Variants in NID2 observed in about 807,000 individuals in gnomAD.
NID2 encodes nidogen 2, also known as nidogen-2.
Under a neutral mutation model 145.4 loss-of-function variants are expected in NID2, and 83 were observed. That is an observed-to-expected ratio of 0.57 (90% CI 0.48 to 0.69). The LOEUF (loss-of-function observed/expected upper bound fraction) is 0.69. Among genes scored for constraint, NID2 ranks in the 30% least tolerant of loss-of-function variants. The pLI is 0.00. For synonymous variants in NID2, 739 were observed against 701.3 expected, an observed-to-expected ratio of 1.05 and a Z score of -0.85; for missense variants, 1,807 against 1,765.7, an observed-to-expected ratio of 1.02 and a Z score of -0.42.
intron 9 of NID2, among the ~76,000 whole-genome samples, chr14:52,037,299 CTAT>C (rs1345470769): frequency 3.3e-5 from 5 of 151,858 alleles, no homozygotes; most frequent in African/African-American, 9.7e-5. Flanking sequence ...CATCAGAATT[CTAT>C]TATTATTATA....
At chr14:52,047,889 CCA>C (rs1892558399) in intron 5 of NID2, among the ~76,000 whole-genome samples, 1 of 152,108 alleles carries the variant, frequency 6.6e-6, no homozygotes, top group African/African-American at 2.4e-5. Context: ...CCGGTGGATT[CCA>C]GAGACCACTG....
intron 5 of NID2, among the ~76,000 whole-genome samples, chr14:52,043,230 G>A (rs1892351742): frequency 6.6e-6 from 1 of 152,156 alleles, no homozygotes; most frequent in Non-Finnish European, 1.5e-5. Context: ...ATGTTAGGTT[G>A]AACTTCATGA....
intron 8 of NID2, 77 bp downstream of exon 8, chr14:52,040,574 G>A: frequency 8.0e-7 from 1 of 1,257,406 alleles, no homozygotes; most frequent in African/African-American, 1.5e-5. Flanking sequence ...TGCCATGTAA[G>A]TCATTTAAGC....
intron 18 of NID2, 186 bp from the exon 19 acceptor site, chr14:52,008,153 A>G: frequency 4.1e-6 from 2 of 488,866 alleles, no homozygotes; most frequent in Admixed American, 7.8e-5. Flanking sequence ...GTGATAGGCT[A>G]TCACTGCCGA....
chr14:52,035,856 G>GTGTATATATATATA (rs763855059), intron 9 of NID2, among the ~76,000 whole-genome samples: 7 of 65,294 alleles, frequency 1.1e-4, no homozygotes, highest in East Asian at 3.8e-4. Context: ...ATTTTTTTGT[G>GTGTATATATATATA]TATATATATA....
At chr14:52,022,483 A>C (rs113906468) in intron 12 of NID2, among the ~76,000 whole-genome samples, 178 of 152,274 alleles carry the variant, frequency 1.2e-3, no homozygotes, top group Admixed American at 2.7e-3. Flanking sequence ...GAAAACATGG[A>C]AAGACTTTCA....
chr14:52,039,614 A>G (rs564745643), intron 8 of NID2, among the ~76,000 whole-genome samples: 1 of 152,280 alleles, frequency 6.6e-6, no homozygotes, highest in African/African-American at 2.4e-5. Context: ...ATCTCCTGCC[A>G]GGCTGCCAGC....
At chr14:52,025,033 T>G (rs914991275) in intron 12 of NID2, among the ~76,000 whole-genome samples, 3 of 152,250 alleles carry the variant, frequency 2.0e-5, no homozygotes, top group Non-Finnish European at 4.4e-5. Context: ...AGGAACTAAA[T>G]ATTTTAAAAG....
At chr14:52,028,486 G>T in intron 11 of NID2, 1 of 351,712 alleles carries the variant, frequency 2.8e-6, no homozygotes, top group Non-Finnish European at 5.2e-6. Flanking sequence ...ATGTTGCCCA[G>T]GCTGGTCTCG....
intron 12 of NID2, among the ~76,000 whole-genome samples, chr14:52,020,579 G>A (rs544535544): frequency 2.0e-5 from 3 of 151,102 alleles, no homozygotes; most frequent in Non-Finnish European, 4.4e-5. Flanking sequence ...TCCAACAATG[G>A]TTTTTTTTTC....
chr14:52,024,220 C>T (rs1198893872), intron 12 of NID2, among the ~76,000 whole-genome samples: 1 of 152,160 alleles, frequency 6.6e-6, no homozygotes, highest in Admixed American at 6.5e-5. Context: ...TAGTGGTATT[C>T]ATGGTCTTGT....
At position 52,013,692 on chromosome 14, in the gene NID2, A is replaced by G. The variant is rs552041147; in HGVS notation, c.3420+595T>C. ...TAGGGAGGCTGCTGGCTCAGGAAGC[A>G]TCAAACATCCCCTGGGGAAGGCTCC... On this transcript the variant is annotated intron_variant, in intron 16 of 21. Transcript: ENST00000216286. Among the ~76,000 whole-genome samples the G allele has an allele frequency of 1.2e-4, 18 of 152,238 alleles. No homozygotes were observed. The South Asian group carries it at 3.5e-3, about 30-fold the overall frequency.
intron 3 of NID2, among the ~76,000 whole-genome samples, chr14:52,056,906 G>A (rs537805493): frequency 1.3e-5 from 2 of 152,242 alleles, no homozygotes; most frequent in Non-Finnish European, 2.9e-5. Context: ...ATACACGTGT[G>A]AATTCGTATT....
At chr14:52,040,543 C>A in intron 8 of NID2, 108 bp downstream of exon 8, 1 of 910,106 alleles carries the variant, frequency 1.1e-6, no homozygotes, top group South Asian at 1.4e-5. Flanking sequence ...ATTTTATGTT[C>A]CATGCACTGT....
rs1890983222 is a variant in NID2, at chr14:52,010,790, C to G, written c.3722+86G>C. On this transcript the variant is annotated intron_variant, in intron 18 of 21. Coordinates refer to ENST00000216286, the MANE Select transcript of NID2 (RefSeq NM_007361.4). ...GCATTTGAGCTTTCACTCTCTTGTT[C>G]TGACCTTCCCCACATTGTATTTAAA... 5 of 1,363,514 alleles carry G rather than the reference C, an allele frequency of 3.7e-6. No individual in the cohort carries two copies. The South Asian group carries it at 3.9e-5, about 11-fold the overall frequency. The allele number at this position is 1,363,514 out of a possible 1,614,324, so 84.5% of individuals were successfully genotyped here.
At chr14:52,044,788 G>A (rs945010959) in intron 5 of NID2, among the ~76,000 whole-genome samples, 1 of 151,630 alleles carries the variant, frequency 6.6e-6, no homozygotes, top group Non-Finnish European at 1.5e-5. Context: ...TTATTTTTTG[G>A]TAGGGTGGGT....
chr14:52,053,615 C>T lies in NID2; in HGVS notation c.1393G>A (p.Val465Met). ...TTPLSRGTYE[V>M]GLEDNIGSNT... The stretch of plus-strand genomic sequence containing the variant: ...GAACCTATGTTGTCTTCCAGTCCCA[C>T]CTCATACGTCCCTCGACTTAAGGGT... The change falls in exon 5 of 22, where the codon GTG becomes ATG. Residue 465 changes from valine (V) to methionine (M), a missense_variant. By Grantham distance (21) the Val-to-Met change is conservative. Coordinates refer to ENST00000216286, the MANE Select transcript of NID2 (RefSeq NM_007361.4). 1.2e-6 allele frequency: 2 copies of T among 1,614,202 alleles called. No individual in the cohort carries two copies. The highest frequency in any genetic ancestry group is 2.2e-5 in the South Asian group (2 of 91,066).
chr14:52,029,997 G>A (rs1245640219), intron 9 of NID2, among the ~76,000 whole-genome samples: 1 of 152,142 alleles, frequency 6.6e-6, no homozygotes, highest in Non-Finnish European at 1.5e-5. Flanking sequence ...TATTTCCTGT[G>A]ATTCTTGGGA....
intron 16 of NID2, chr14:52,011,954 AAATT>A (rs1374841123): frequency 1.1e-5 from 4 of 357,696 alleles, no homozygotes; most frequent in East Asian, 1.0e-4. Context: ...GTTGCTATAA[AAATT>A]AATACTATAA....
Sources: allele counts gnomAD v4.1 joint callset (sites outside exome capture counted in the v4.1 genomes callset), GRCh38; gene constraint gnomAD v4.1.1; transcripts MANE v1.5; gene names NCBI Gene and HGNC (gene_info 2026-07-23, HGNC 2026-07-21).